KHDRBS2: variants seen among roughly 807,000 people sequenced by gnomAD.
KHDRBS2 encodes the protein KH domain-containing, RNA-binding, signal transduction-associated protein 2.
Under a neutral mutation model 44.3 loss-of-function variants are expected in KHDRBS2, and 26 were observed. The ratio of observed to expected loss-of-function variants is 0.59; its 90% CI spans 0.43 to 0.81. The LOEUF (loss-of-function observed/expected upper bound fraction) is 0.81. Ranked by LOEUF, KHDRBS2 falls within the 40% of genes least tolerant of loss-of-function variation. KHDRBS2 has a pLI of 0.00. For synonymous variants in KHDRBS2, 194 were observed against 151.1 expected (o/e 1.28, Z -2.08); for missense variants, 476 against 433.1 (o/e 1.10, Z -0.88).
At chr6:61,603,289 C>A in the KHDRBS2 span, among the ~76,000 whole-genome samples, 2 of 152,156 alleles carry the variant, frequency 1.3e-5, no homozygotes, top group African/African-American at 4.8e-5. Context: ...TGGTGCCAAA[C>A]CCATATACTC....
chr6:62,017,253 A>C (rs1365457518), intron 3 of KHDRBS2, among the ~76,000 whole-genome samples: 2 of 152,130 alleles, frequency 1.3e-5, no homozygotes, highest in Non-Finnish European at 2.9e-5. Context: ...GGAAGGTAAA[A>C]ATTGCTTTAG....
chr6:61,782,417 G>A (rs1372833273), intron 6 of KHDRBS2, among the ~76,000 whole-genome samples: 3 of 151,710 alleles, frequency 2.0e-5, no homozygotes, highest in Admixed American at 6.6e-5. Flanking sequence ...TTTTGCACCA[G>A]GAACTCTTAG....
At chr6:61,747,086 A>G (rs546967731) in intron 6 of KHDRBS2, among the ~76,000 whole-genome samples, 7 of 152,188 alleles carry the variant, frequency 4.6e-5, no homozygotes, top group African/African-American at 1.7e-4. Flanking sequence ...AAGAACAGAC[A>G]TTTTTAAGAA....
At chr6:62,231,224 A>C (rs1832846374) in intron 1 of KHDRBS2, among the ~76,000 whole-genome samples, 1 of 152,166 alleles carries the variant, frequency 6.6e-6, no homozygotes, top group Non-Finnish European at 1.5e-5. Flanking sequence ...ACTTCTATAA[A>C]GAAAGACCCA....
intron 3 of KHDRBS2, among the ~76,000 whole-genome samples, chr6:62,038,024 G>T (rs1485227455): frequency 1.3e-5 from 2 of 151,654 alleles, no homozygotes; most frequent in East Asian, 3.9e-4. Flanking sequence ...TTGGCATTTG[G>T]TATGCTTGTT....
intron 2 of KHDRBS2, among the ~76,000 whole-genome samples, chr6:62,150,789 T>A (rs1045533575): frequency 6.6e-6 from 1 of 152,220 alleles, no homozygotes; most frequent in African/African-American, 2.4e-5. Context: ...AGGCTTTACA[T>A]TCCCACAACC....
chr6:62,229,333 T>C (rs190381111), intron 1 of KHDRBS2, among the ~76,000 whole-genome samples: 156 of 152,254 alleles, frequency 1.0e-3, no homozygotes, highest in Middle Eastern at 6.8e-3. Flanking sequence ...TAGATATCTC[T>C]TGGGACCAAG....
intron 2 of KHDRBS2, among the ~76,000 whole-genome samples, chr6:62,066,432 CTA>C (rs1227877723): frequency 6.6e-6 from 1 of 151,580 alleles, no homozygotes; most frequent in Non-Finnish European, 1.5e-5. Flanking sequence ...CAACTGCACT[CTA>C]ATATTTTAGA....
chr6:62,010,142 G>C (rs1780029125), intron 3 of KHDRBS2, among the ~76,000 whole-genome samples: 1 of 152,194 alleles, frequency 6.6e-6, no homozygotes, highest in Non-Finnish European at 1.5e-5. Context: ...AGCTGACCAA[G>C]ACTACAGGAA....
intron 2 of KHDRBS2, among the ~76,000 whole-genome samples, chr6:62,119,932 G>A (rs1490342068): frequency 1.3e-5 from 2 of 152,180 alleles, no homozygotes; most frequent in Admixed American, 1.3e-4. Context: ...GGTTCAGAGT[G>A]TGACCCACAA....
chr6:62,241,165 A>C (rs1834601912), intron 1 of KHDRBS2, among the ~76,000 whole-genome samples: 1 of 152,146 alleles, frequency 6.6e-6, no homozygotes, highest in Non-Finnish European at 1.5e-5. Context: ...TCTCTGAAGA[A>C]AGCATGCAAA....
chr6:62,099,176 G>A (rs1201466588), intron 2 of KHDRBS2, among the ~76,000 whole-genome samples: 2 of 152,052 alleles, frequency 1.3e-5, no homozygotes, highest in African/African-American at 2.4e-5. Flanking sequence ...TGAGGTCATG[G>A]TTCCCCAAAT....
chr6:62,208,219 A>G (rs1828365608), intron 1 of KHDRBS2, among the ~76,000 whole-genome samples: 1 of 151,946 alleles, frequency 6.6e-6, no homozygotes, highest in South Asian at 2.1e-4. Context: ...ATATCTACAA[A>G]TTTTTTTCTT....
the KHDRBS2 span, among the ~76,000 whole-genome samples, chr6:61,625,739 G>A: frequency 2.6e-5 from 4 of 152,024 alleles, no homozygotes; most frequent in South Asian, 8.3e-4. Flanking sequence ...TTTATTCTCT[G>A]CAGTTATTTC....
the KHDRBS2 span, among the ~76,000 whole-genome samples, chr6:61,654,501 G>T: frequency 6.6e-6 from 1 of 151,712 alleles, no homozygotes; most frequent in Non-Finnish European, 1.5e-5. Context: ...TCCAGTATGG[G>T]CAAGTGACCT....
chr6:61,773,501 C>T (rs1241358177), intron 6 of KHDRBS2, among the ~76,000 whole-genome samples: 1 of 151,652 alleles, frequency 6.6e-6, no homozygotes, highest in Admixed American at 6.6e-5. Context: ...TTGTTTTTTT[C>T]TTGTAAATTT....
At chr6:61,672,960 T>C in the KHDRBS2 span, among the ~76,000 whole-genome samples, 17 of 152,030 alleles carry the variant, frequency 1.1e-4, no homozygotes, top group Non-Finnish European at 2.1e-4. Flanking sequence ...GGTTTTCTTC[T>C]AGGGTTTTTA....
At chr6:61,931,361 G>A (rs16900689) in intron 4 of KHDRBS2, among the ~76,000 whole-genome samples, 10,845 of 151,746 alleles carry the variant, frequency 0.071, 425 homozygotes, top group Middle Eastern at 0.13. Context: ...TGAAAGTATA[G>A]TATTACCCAA....
At chr6:61,552,063 ATAT>A in the KHDRBS2 span, among the ~76,000 whole-genome samples, 5 of 151,198 alleles carry the variant, frequency 3.3e-5, no homozygotes, top group African/African-American at 1.2e-4. Flanking sequence ...GGGCATTTCT[ATAT>A]TATATAGAAA....
Sources: gnomAD v4.1 joint callset for allele counts (sites outside exome capture counted in the v4.1 genomes callset) on GRCh38, gnomAD v4.1.1 for gene constraint, MANE v1.5 for transcripts, NCBI Gene and HGNC (gene_info 2026-07-23, HGNC 2026-07-21) for gene names.